BAIAP2L1: variants seen among roughly 807,000 people sequenced by gnomAD.
The protein encoded by BAIAP2L1 is BAR/IMD domain containing adaptor protein 2 like 1.
A neutral mutation model predicts 66.3 loss-of-function variants in BAIAP2L1; 35 were observed. That is an observed-to-expected ratio of 0.53 (90% CI 0.40 to 0.70). The LOEUF (loss-of-function observed/expected upper bound fraction) is 0.70, where lower values mean the gene tolerates loss of function less well. Among genes scored for constraint, BAIAP2L1 ranks in the 30% least tolerant of loss-of-function variants. The probability of loss-of-function intolerance (pLI) is 0.00; values close to 1 mark genes in which losing one functional copy is unlikely to be tolerated. For synonymous variants in BAIAP2L1, 269 were observed against 248.7 expected (o/e 1.08, Z -0.77); for missense variants, 622 against 656.9 (o/e 0.95, Z 0.58).
chr7:98,393,573 C>T (rs1052385624), intron 1 of BAIAP2L1, among the ~76,000 whole-genome samples: 2 of 151,896 alleles, frequency 1.3e-5, no homozygotes, highest in African/African-American at 4.8e-5. Flanking sequence ...TCTCAGCTCA[C>T]TGCAAGCTCC....
chr7:98,370,814 C>T (rs932296733), intron 1 of BAIAP2L1, among the ~76,000 whole-genome samples: 4 of 152,086 alleles, frequency 2.6e-5, no homozygotes, highest in African/African-American at 9.7e-5. Context: ...TTTGGTCTTT[C>T]TAACAGTGGA....
chr7:98,308,415 TAC>T, intron 9 of BAIAP2L1: 1 of 391,694 alleles, frequency 2.6e-6, no homozygotes, highest in Non-Finnish European at 5.2e-6. Context: ...GAGTTCCATT[TAC>T]AGAGTCCTCA....
At chr7:98,318,602 G>T (rs147141257) in intron 5 of BAIAP2L1, among the ~76,000 whole-genome samples, 3 of 151,210 alleles carry the variant, frequency 2.0e-5, no homozygotes, top group African/African-American at 2.4e-5. Flanking sequence ...AAACGGACCC[G>T]CGTCAGAATT....
chr7:98,353,121 G>A (rs899828409), intron 3 of BAIAP2L1, among the ~76,000 whole-genome samples: 2 of 151,366 alleles, frequency 1.3e-5, no homozygotes, highest in Non-Finnish European at 2.9e-5. Context: ...TTCAGTCCTC[G>A]CTGGCACATG....
rs146660207 is a variant in BAIAP2L1 at position 98,393,162 on chromosome 7, T to C, written c.51+7640A>G. 2.6e-4 allele frequency among the ~76,000 whole-genome samples: 17 copies of C among 65,042 alleles called. 1 individual carries two copies. Among genetic ancestry groups the C allele is most frequent in the East Asian group, 4.3e-4 (1 of 2,310 alleles). 42.7% of individuals were successfully genotyped at this position (65,042 alleles called of 152,430 possible). ...ATATGTGTACATATATATGTACACA[T>C]ATATGTATATATATACATATATGTG... On this transcript the variant is annotated intron_variant, in intron 1 of 13. Transcript: ENST00000005260.
chr7:98,311,915 C>T (rs151185185), intron 8 of BAIAP2L1, among the ~76,000 whole-genome samples, 182 bp downstream of exon 8: 11 of 152,104 alleles, frequency 7.2e-5, no homozygotes, highest in South Asian at 6.2e-4. Flanking sequence ...ACCTTAACAA[C>T]AACAAAAAAC....
In BAIAP2L1 at chr7:98,385,651, C is replaced by A. The variant is rs1418670685; in HGVS notation, c.51+15151G>T. 25 of 683,840 alleles carry A rather than the reference C, an allele frequency of 3.7e-5. No individual in the cohort carries two copies. The East Asian group carries it at 6.7e-4, about 18-fold the overall frequency. The allele number at this position is 683,840 out of a possible 1,614,324, so 42.4% of individuals were successfully genotyped here. A position where few individuals can be genotyped will look rare whatever the true frequency, so the allele number is the denominator to read the frequency against. On this transcript the variant is annotated intron_variant, in intron 1 of 13. Coordinates refer to ENST00000005260, the MANE Select transcript of BAIAP2L1 (RefSeq NM_018842.5). Reference sequence around the variant, plus strand: ...CTGGTCTCGAACTCCTGACCTCAAGCAAGCTGCCTGCTTCAGCCTCCCAAA... The same window carrying A: ...CTGGTCTCGAACTCCTGACCTCAAGAAAGCTGCCTGCTTCAGCCTCCCAAA...
chr7:98,380,349 G>A (rs984382474), intron 1 of BAIAP2L1, among the ~76,000 whole-genome samples: 2 of 152,106 alleles, frequency 1.3e-5, no homozygotes, highest in Non-Finnish European at 2.9e-5. Context: ...AGAAAAAGAG[G>A]TTTCACTGGA....
intron 3 of BAIAP2L1, among the ~76,000 whole-genome samples, chr7:98,332,201 G>A (rs1209699401): frequency 6.6e-6 from 1 of 151,126 alleles, no homozygotes; most frequent in Non-Finnish European, 1.5e-5. Context: ...TGGCCAACAT[G>A]GTGGAACTCT....
At chr7:98,362,941 C>T (rs976201141) in intron 1 of BAIAP2L1, among the ~76,000 whole-genome samples, 7 of 150,878 alleles carry the variant, frequency 4.6e-5, no homozygotes, top group African/African-American at 1.2e-4. Context: ...CGGGGAGGGA[C>T]GTGAAAGGGG....
chr7:98,294,703 G>T (rs1800112964), intron 12 of BAIAP2L1, among the ~76,000 whole-genome samples: 1 of 152,176 alleles, frequency 6.6e-6, no homozygotes, highest in African/African-American at 2.4e-5. Context: ...GTGCTTTTTG[G>T]GAGCTGACTC....
At chr7:98,372,461 AT>A (rs1467386983) in intron 1 of BAIAP2L1, among the ~76,000 whole-genome samples, 2 of 152,154 alleles carry the variant, frequency 1.3e-5, no homozygotes, top group Non-Finnish European at 2.9e-5. Context: ...ATTATTTGAT[AT>A]TTTAGTGCTT....
At chr7:98,304,447 C>T in intron 11 of BAIAP2L1, 71 bp from the exon 12 acceptor site, 1 of 1,512,786 alleles carries the variant, frequency 6.6e-7, no homozygotes, top group South Asian at 1.2e-5. Context: ...TCCTCTGTGT[C>T]CCTGACCAAG....
At chr7:98,348,814 A>T (rs1801935007) in intron 3 of BAIAP2L1, among the ~76,000 whole-genome samples, 1 of 152,226 alleles carries the variant, frequency 6.6e-6, no homozygotes, top group Non-Finnish European at 1.5e-5. Flanking sequence ...GTGAGTAAAT[A>T]ACCCACTGCC....
At chr7:98,342,802 T>A (rs972462391) in intron 3 of BAIAP2L1, among the ~76,000 whole-genome samples, 2 of 152,182 alleles carry the variant, frequency 1.3e-5, no homozygotes, top group African/African-American at 4.8e-5. Context: ...CCTTACCATT[T>A]CTGTTTTCCC....
In BAIAP2L1 at chr7:98,341,003, C is replaced by T. The variant is rs149872119; in HGVS notation, c.214+14039G>A. ...CTCTTACAGGTTTTATAAATTATAA[C>T]CCTACCTTTCTAATTATTCTAGCTG... On this transcript the variant is annotated intron_variant, in intron 3 of 13. Coordinates refer to ENST00000005260, the MANE Select transcript of BAIAP2L1 (RefSeq NM_018842.5). Among the ~76,000 whole-genome samples the T allele has an allele frequency of 9.1e-4, 119 of 131,102 alleles. 1 individual carries two copies. Among genetic ancestry groups the T allele is most frequent in the African/African-American group, 3.2e-3 (111 of 34,924 alleles). 86.0% of individuals were successfully genotyped at this position (131,102 alleles called of 152,430 possible).
At chr7:98,345,125 C>G (rs1241885976) in intron 3 of BAIAP2L1, among the ~76,000 whole-genome samples, 1 of 152,090 alleles carries the variant, frequency 6.6e-6, no homozygotes, top group African/African-American at 2.4e-5. Context: ...CATAGCGAGA[C>G]CCTGTCTTTA....
At position 98,400,914 on chromosome 7, in the gene BAIAP2L1, T is replaced by TCC; in HGVS notation, c.-64_-63dup. 1.4e-6 allele frequency: 2 copies of TCC among 1,458,106 alleles called. No individual in the cohort carries two copies. Among genetic ancestry groups the TCC allele is most frequent in the Non-Finnish European group, 9.1e-7 (1 of 1,104,300 alleles). 90.3% of individuals were successfully genotyped at this position (1,458,106 alleles called of 1,614,324 possible). ...CGGCTGGGCCTCGTGGCCGCCGGAC[T>TCC]CCGGGCAGCGGGAGGGCCGGGGCGC... On this transcript the variant is annotated 5_prime_UTR_variant, in exon 1 of 14. Transcript: ENST00000005260.
intron 1 of BAIAP2L1, among the ~76,000 whole-genome samples, chr7:98,371,591 G>A (rs1802511699): frequency 6.6e-6 from 1 of 152,138 alleles, no homozygotes; most frequent in South Asian, 2.1e-4. Context: ...GAATAATTAT[G>A]AGAAATGAAT....
Sources: allele counts gnomAD v4.1 joint callset (sites outside exome capture counted in the v4.1 genomes callset), GRCh38; gene constraint gnomAD v4.1.1; transcripts MANE v1.5; gene names NCBI Gene and HGNC (gene_info 2026-07-23, HGNC 2026-07-21).